Variants in KLRG1 observed in about 807,000 individuals in gnomAD.
KLRG1 encodes the protein killer cell lectin-like receptor subfamily G member 1.
Under a neutral mutation model 21.8 loss-of-function variants are expected in KLRG1, and 16 were observed. The ratio of observed to expected loss-of-function variants is 0.73; its 90% confidence interval spans 0.50 to 1.11. KLRG1 has a LOEUF of 1.11. Among genes scored for constraint, KLRG1 ranks in the 50% most tolerant of loss-of-function variants. The pLI, the probability that KLRG1 is intolerant of heterozygous loss-of-function variation, is 0.00. For synonymous variants in KLRG1, 69 were observed against 75.9 expected (o/e 0.91, Z 0.47); for missense variants, 173 against 218.3 (o/e 0.79, Z 1.31).
chr12:9,119,326 A>G, the KLRG1 span, among the ~76,000 whole-genome samples: 1 of 152,242 alleles, frequency 6.6e-6, no homozygotes, highest in East Asian at 1.9e-4. Flanking sequence ...GCCTCATGAT[A>G]AATTACAAAG....
chr12:9,055,086 T>C, the KLRG1 span, among the ~76,000 whole-genome samples: 1 of 152,202 alleles, frequency 6.6e-6, no homozygotes, highest in Non-Finnish European at 1.5e-5. Context: ...TCCAGATGTT[T>C]TTCAACCCAA....
At chr12:8,995,941 C>CA (rs1947118234) in intron 3 of KLRG1, among the ~76,000 whole-genome samples, 2 of 152,110 alleles carry the variant, frequency 1.3e-5, no homozygotes, top group African/African-American at 4.8e-5. Context: ...CTCGGCCTCC[C>CA]AAAGTGCTGG....
chr12:9,065,819 C>T, the KLRG1 span: 8 of 152,372 alleles, frequency 5.3e-5, no homozygotes, highest in Admixed American at 5.2e-4. Flanking sequence ...CTCATAAAAT[C>T]CCCCAGACTC....
chr12:9,074,101 A>C, the KLRG1 span, among the ~76,000 whole-genome samples: 1 of 151,822 alleles, frequency 6.6e-6, no homozygotes, highest in African/African-American at 2.4e-5. Context: ...AAAAAAAAAA[A>C]AAAAAAGGTG....
At chr12:9,191,763 C>T in the KLRG1 span, among the ~76,000 whole-genome samples, 7 of 152,140 alleles carry the variant, frequency 4.6e-5, no homozygotes, top group South Asian at 4.2e-4. Context: ...AATCCAATTT[C>T]GTATATAAAG....
the KLRG1 span, among the ~76,000 whole-genome samples, chr12:9,049,685 A>G: frequency 3.3e-5 from 5 of 152,082 alleles, no homozygotes; most frequent in Middle Eastern, 3.4e-3. Context: ...GAGATTTTTA[A>G]TGAAGTAGCA....
chr12:9,148,293 T>C, the KLRG1 span, among the ~76,000 whole-genome samples: 1 of 152,194 alleles, frequency 6.6e-6, no homozygotes, highest in Non-Finnish European at 1.5e-5. Context: ...CCACCATGTC[T>C]CTTTCTATTA....
At chr12:9,149,572 G>A in the KLRG1 span, 1 of 1,612,950 alleles carries the variant, frequency 6.2e-7, no homozygotes, top group African/African-American at 1.3e-5. Context: ...TGTGCTGCAG[G>A]GGGCGATATA....
At chr12:9,129,461 ATAAAG>A in the KLRG1 span, among the ~76,000 whole-genome samples, 239 of 152,268 alleles carry the variant, frequency 1.6e-3, 1 homozygote, top group African/African-American at 5.5e-3. Context: ...TGAAGAAAAT[ATAAAG>A]TAATGTGTGA....
At chr12:9,192,026 G>A in the KLRG1 span, among the ~76,000 whole-genome samples, 9 of 152,302 alleles carry the variant, frequency 5.9e-5, 1 homozygote, top group African/African-American at 2.2e-4. Flanking sequence ...TTTATCTGTT[G>A]ACTGTTGAAT....
chr12:9,013,812 C>T (rs2159959), downstream of KLRG1, among the ~76,000 whole-genome samples: 35,426 of 152,038 alleles, frequency 0.23, 4,856 homozygotes, highest in East Asian at 0.37. Flanking sequence ...AGCTATAATT[C>T]AAGATGAGAT....
At chr12:9,161,511 T>C in the KLRG1 span, among the ~76,000 whole-genome samples, 2 of 152,188 alleles carry the variant, frequency 1.3e-5, no homozygotes, top group South Asian at 2.1e-4. Flanking sequence ...TTTAACTATA[T>C]TTTTGCATGG....
chr12:9,214,947 T>C, the KLRG1 span, among the ~76,000 whole-genome samples: 1 of 152,030 alleles, frequency 6.6e-6, no homozygotes, highest in African/African-American at 2.4e-5. Flanking sequence ...ATTTGATTTT[T>C]TCCAACTGAG....
chr12:9,209,202 T>A, the KLRG1 span, among the ~76,000 whole-genome samples: 1 of 152,162 alleles, frequency 6.6e-6, no homozygotes, highest in African/African-American at 2.4e-5. Flanking sequence ...ATGCCATCCT[T>A]AGACTGCAGA....
At chr12:9,074,434 G>A in the KLRG1 span, 1 of 934,638 alleles carries the variant, frequency 1.1e-6, no homozygotes, top group Non-Finnish European at 1.6e-6. Context: ...CTTGGATACT[G>A]AAAACTTTTC....
the KLRG1 span, chr12:9,200,981 G>T: frequency 6.2e-7 from 1 of 1,614,090 alleles, no homozygotes; most frequent in East Asian, 2.2e-5. Flanking sequence ...GGGCTCTGAT[G>T]AGAGGGGAAA....
intron 1 of KLRG1, among the ~76,000 whole-genome samples, chr12:8,978,688 CTTTT>C (rs1348616565): frequency 3.4e-5 from 3 of 89,532 alleles, no homozygotes; most frequent in Non-Finnish European, 4.9e-5. Flanking sequence ...TTCTTTCTTT[CTTTT>C]TCTTTCTTTT....
the KLRG1 span, among the ~76,000 whole-genome samples, chr12:9,047,861 A>T: frequency 1.3e-5 from 2 of 152,340 alleles, no homozygotes; most frequent in South Asian, 2.1e-4. Context: ...AGCGGTCAAA[A>T]TATGTGGAGG....
chr12:9,107,927 C>T, the KLRG1 span, among the ~76,000 whole-genome samples: 5 of 151,488 alleles, frequency 3.3e-5, no homozygotes, highest in East Asian at 3.9e-4. Context: ...AACTTAAACC[C>T]GTTCTTAAAA....
Sources: gnomAD v4.1 joint callset for allele counts (sites outside exome capture counted in the v4.1 genomes callset) on GRCh38, gnomAD v4.1.1 for gene constraint, MANE v1.5 for transcripts, NCBI Gene and HGNC (gene_info 2026-07-23, HGNC 2026-07-21) for gene names.